Variants in PCSK5 observed in about 807,000 individuals in gnomAD.
The protein encoded by PCSK5 is prohormone convertase 5.
Under a neutral mutation model 233.2 loss-of-function variants are expected in PCSK5, and 129 were observed. The ratio of observed to expected loss-of-function variants is 0.55; its 90% confidence interval spans 0.48 to 0.64. PCSK5 has a LOEUF of 0.64. Ranked by LOEUF, PCSK5 falls within the 30% of genes least tolerant of loss-of-function variation. The probability of loss-of-function intolerance (pLI) is 0.00; values close to 1 mark genes in which losing one functional copy is unlikely to be tolerated. For missense variants in PCSK5, 2,076 were observed against 2,430.1 expected (o/e 0.85, Z 3.06); for synonymous variants, 825 against 879.2 (o/e 0.94, Z 1.09).
chr9:76,204,101 T>A (rs1046760195), intron 20 of PCSK5, among the ~76,000 whole-genome samples: 1 of 152,184 alleles, frequency 6.6e-6, no homozygotes, highest in African/African-American at 2.4e-5. Context: ...CAGAATTTTT[T>A]ATTCATTGTT....
At chr9:75,933,971 T>G (rs1415537828) in intron 2 of PCSK5, among the ~76,000 whole-genome samples, 1 of 152,194 alleles carries the variant, frequency 6.6e-6, no homozygotes, top group Non-Finnish European at 1.5e-5. Flanking sequence ...AAGAACAGAA[T>G]GTTATGAGGC....
intron 13 of PCSK5, among the ~76,000 whole-genome samples, chr9:76,170,478 A>G (rs1823284030): frequency 6.6e-6 from 1 of 152,358 alleles, no homozygotes; most frequent in African/African-American, 2.4e-5. Context: ...CTTGTTTATA[A>G]TATAAAATAA....
chr9:76,326,894 T>C (rs1467071152), intron 32 of PCSK5, among the ~76,000 whole-genome samples: 1 of 152,054 alleles, frequency 6.6e-6, no homozygotes, highest in Non-Finnish European at 1.5e-5. Flanking sequence ...TTAGATTTCA[T>C]TGAGAAAGGC....
Position 75,981,129 on chromosome 9 carries a change from C to T in PCSK5, c.298-5003C>T, listed in dbSNP as rs1826256996. 6.6e-5 allele frequency among the ~76,000 whole-genome samples: 10 copies of T among 152,188 alleles called. No homozygotes were observed. The South Asian group carries it at 2.1e-3, about 32-fold the overall frequency. On this transcript the variant is annotated intron_variant, in intron 2 of 37. Transcript: ENST00000674117. The stretch of plus-strand genomic sequence containing the variant: ...AGAGTAACATATGATTTACTACACT[C>T]CTTTATGAATATTAATCTCGTATCT...
At chr9:76,272,961 T>C (rs981293546) in intron 24 of PCSK5, among the ~76,000 whole-genome samples, 2 of 151,652 alleles carry the variant, frequency 1.3e-5, no homozygotes, top group Non-Finnish European at 3.0e-5. Flanking sequence ...CTTGGTACTT[T>C]CCCCATCCTA....
Position 76,240,697 on chromosome 9 carries a change from CCTTT to C in PCSK5, c.3142+14_3142+17del, listed in dbSNP as rs913405861. The C allele has an allele frequency of 1.3e-6, 2 of 1,550,054 alleles. No individual in the cohort carries two copies. Among genetic ancestry groups the C allele is most frequent in the Non-Finnish European group, 1.8e-6 (2 of 1,136,516 alleles). ...GGATGCAGCTTGGGTATGTCCTCTT[CCTTT>C]GTCACCTAAAGAGTTGAAATAGCTA... is the stretch of plus-strand genomic sequence containing the variant. On this transcript the variant is annotated intron_variant, in intron 24 of 37. Coordinates refer to ENST00000674117, the MANE Select transcript of PCSK5 (RefSeq NM_001372043.1).
intron 5 of PCSK5, among the ~76,000 whole-genome samples, chr9:76,029,356 G>A (rs1046986678): frequency 3.9e-5 from 6 of 151,930 alleles, no homozygotes; most frequent in Non-Finnish European, 8.8e-5. Context: ...AAAAATTTAG[G>A]ATTTAGTTTA....
chr9:76,239,354 C>G (rs1826355820), intron 23 of PCSK5, among the ~76,000 whole-genome samples, 189 bp downstream of exon 23: 1 of 152,186 alleles, frequency 6.6e-6, no homozygotes, highest in South Asian at 2.1e-4. Context: ...CACCCTTTCT[C>G]TGGGTTTCCT....
intron 3 of PCSK5, among the ~76,000 whole-genome samples, chr9:75,990,293 T>C (rs1826713017): frequency 1.3e-5 from 2 of 152,200 alleles, no homozygotes; most frequent in South Asian, 4.1e-4. Context: ...GAATGGAGAT[T>C]AAAGAATGGC....
At chr9:75,987,729 G>A (rs1370912191) in intron 3 of PCSK5, among the ~76,000 whole-genome samples, 1 of 152,204 alleles carries the variant, frequency 6.6e-6, no homozygotes, top group East Asian at 1.9e-4. Flanking sequence ...GCCGCAAAGA[G>A]TGAACCCCAA....
intron 24 of PCSK5, among the ~76,000 whole-genome samples, chr9:76,260,528 CA>C (rs1827135846): frequency 6.6e-6 from 1 of 152,000 alleles, no homozygotes; most frequent in Admixed American, 6.6e-5. Context: ...TGCCCCAAGC[CA>C]AAAAATGCAG....
intron 32 of PCSK5, among the ~76,000 whole-genome samples, chr9:76,325,331 A>C (rs943958021): frequency 3.9e-5 from 6 of 152,200 alleles, no homozygotes; most frequent in African/African-American, 1.4e-4. Context: ...TACAGGTCTC[A>C]GAGTATGTTT....
chr9:76,170,652 C>G (rs1474981891), intron 13 of PCSK5, among the ~76,000 whole-genome samples: 1 of 152,208 alleles, frequency 6.6e-6, no homozygotes, highest in African/African-American at 2.4e-5. Flanking sequence ...AGTGCTCTGT[C>G]CAGTCCTCTT....
At chr9:75,908,796 G>C (rs925100638) in intron 1 of PCSK5, among the ~76,000 whole-genome samples, 1 of 151,654 alleles carries the variant, frequency 6.6e-6, no homozygotes, top group Non-Finnish European at 1.5e-5. Context: ...TTGGCACTTG[G>C]CATTTTCATC....
At chr9:76,233,710 C>A (rs964996172) in intron 22 of PCSK5, 114 bp downstream of exon 22, 6 of 916,160 alleles carry the variant, frequency 6.5e-6, no homozygotes, top group Non-Finnish European at 1.0e-5. Flanking sequence ...TAAGATCAGA[C>A]AGCTGTTCAC....
intron 3 of PCSK5, among the ~76,000 whole-genome samples, chr9:75,996,134 A>G (rs1827012328): frequency 6.6e-6 from 1 of 152,238 alleles, no homozygotes; most frequent in African/African-American, 2.4e-5. Flanking sequence ...TTTCATAATT[A>G]ATAATTCCAA....
At chr9:75,928,623 AT>A (rs1564088084) in intron 1 of PCSK5, among the ~76,000 whole-genome samples, 9 of 114,164 alleles carry the variant, frequency 7.9e-5, no homozygotes, top group African/African-American at 3.5e-4. Context: ...ATATATATAT[AT>A]ATATATATAT....
chr9:76,219,966 C>T (rs564392158), intron 20 of PCSK5, among the ~76,000 whole-genome samples: 3 of 152,290 alleles, frequency 2.0e-5, no homozygotes, highest in Admixed American at 2.0e-4. Context: ...GGTGGGCCCT[C>T]TGCAGCCACA....
chr9:76,358,495 G>A lies in PCSK5; in HGVS notation c.5255-18G>A. ...CTTTTTCCCTCTTGCCTCTTCCTTTGAGGTCTTCTTCCAACAGACGAATGC... is the reference window on the plus strand; with the variant it reads ...CTTTTTCCCTCTTGCCTCTTCCTTTAAGGTCTTCTTCCAACAGACGAATGC... On this transcript the variant is annotated intron_variant, in intron 37 of 37. Coordinates refer to ENST00000674117, the MANE Select transcript of PCSK5 (RefSeq NM_001372043.1). 1 of 1,592,576 alleles carries A rather than the reference G, an allele frequency of 6.3e-7. No homozygotes were observed. The highest frequency in any genetic ancestry group is 1.1e-5 in the South Asian group (1 of 90,202).
Sources: allele counts gnomAD v4.1 joint callset (sites outside exome capture counted in the v4.1 genomes callset), GRCh38; gene constraint gnomAD v4.1.1; transcripts MANE v1.5; gene names NCBI Gene and HGNC (gene_info 2026-07-23, HGNC 2026-07-21).